DNAH7: variants seen among roughly 807,000 people sequenced by gnomAD.
The protein encoded by DNAH7 is axonemal beta dynein heavy chain 7.
A neutral mutation model predicts 444.6 loss-of-function variants in DNAH7; 397 were observed. That is an observed-to-expected ratio of 0.89 (90% CI 0.82 to 0.97). The LOEUF is 0.97. DNAH7 is among the 50% of genes least tolerant of loss of function. The pLI, the probability that DNAH7 is intolerant of heterozygous loss-of-function variation, is 0.00. For missense variants in DNAH7, 4,902 were observed against 4,800.8 expected (o/e 1.02, Z -0.62); for synonymous variants, 1,636 against 1,624.4 (o/e 1.01, Z -0.17).
chr2:195,974,536 A>C (rs962934031), intron 15 of DNAH7, among the ~76,000 whole-genome samples: 18 of 152,118 alleles, frequency 1.2e-4, no homozygotes, highest in African/African-American at 4.3e-4. Flanking sequence ...CAAATTCCTA[A>C]ATATTTCCAG....
At chr2:195,853,800 C>T (rs1699537020) in intron 45 of DNAH7, among the ~76,000 whole-genome samples, 1 of 152,068 alleles carries the variant, frequency 6.6e-6, no homozygotes, top group Non-Finnish European at 1.5e-5. Context: ...GTACAAGACA[C>T]TGAAAGTTAA....
At chr2:196,018,609 TAAAAC>T (rs1169588794) in intron 9 of DNAH7, among the ~76,000 whole-genome samples, 2 of 151,978 alleles carry the variant, frequency 1.3e-5, no homozygotes, top group Non-Finnish European at 2.9e-5. Flanking sequence ...TCGAAATAAT[TAAAAC>T]AAATAAAGCA....
At chr2:195,926,088 T>C (rs1688313736) in intron 22 of DNAH7, among the ~76,000 whole-genome samples, 1 of 152,170 alleles carries the variant, frequency 6.6e-6, no homozygotes, top group Non-Finnish European at 1.5e-5. Context: ...ACTGTTACTT[T>C]ATTTCCTGCT....
chr2:195,900,569 C>T lies in DNAH7; in HGVS notation c.4336-75G>A, dbSNP rs780438107. The T allele has an allele frequency of 4.5e-5, 61 of 1,347,030 alleles. No individual in the cohort carries two copies. In the Admixed American group the frequency reaches 8.3e-4, roughly 18 times the overall value. The allele number at this position is 1,347,030 out of a possible 1,614,324, so 83.4% of individuals were successfully genotyped here. ...TAGGCATGGAAAGATAAATACCACA[C>T]GCTCTCACTAATATGTGGAGGCTAA... is the stretch of plus-strand genomic sequence containing the variant. On this transcript the variant is annotated intron_variant, in intron 27 of 64. Transcript: ENST00000312428.
At chr2:195,956,779 C>G (rs1468077638) in intron 19 of DNAH7, among the ~76,000 whole-genome samples, 1 of 151,488 alleles carries the variant, frequency 6.6e-6, no homozygotes, top group Non-Finnish European at 1.5e-5. Context: ...ATTTTTCTTT[C>G]TTTATTGCAT....
intron 38 of DNAH7, among the ~76,000 whole-genome samples, chr2:195,874,806 G>A (rs1700948464): frequency 6.6e-6 from 1 of 152,046 alleles, no homozygotes; most frequent in Non-Finnish European, 1.5e-5. Context: ...AAGCAACAGA[G>A]TGAGACCCTG....
At chr2:195,957,118 C>A in intron 19 of DNAH7, 143 bp downstream of exon 19, 2 of 700,898 alleles carry the variant, frequency 2.9e-6, no homozygotes, top group Non-Finnish European at 4.2e-6. Flanking sequence ...TCCTGGCATT[C>A]TAAAATAATA....
chr2:195,950,676 A>C (rs1390591453), intron 19 of DNAH7, among the ~76,000 whole-genome samples: 1 of 151,716 alleles, frequency 6.6e-6, no homozygotes, highest in Non-Finnish European at 1.5e-5. Flanking sequence ...GTGAAACCCC[A>C]TCTCTACTAA....
rs77281575 is a variant in DNAH7, at chr2:195,974,406, C to T, written c.1834-1940G>A. ...CTGAATAAATTCACCAACTGTTTTG[C>T]CCTTGTGGTAATAATCTTTTTTAAA... On this transcript the variant is annotated intron_variant, in intron 15 of 64. Transcript: ENST00000312428. Among the ~76,000 whole-genome samples, 34 of 152,148 alleles carry T rather than the reference C, an allele frequency of 2.2e-4. No homozygotes were observed. In the East Asian group the frequency reaches 4.8e-3, roughly 22 times the overall value.
intron 24 of DNAH7, among the ~76,000 whole-genome samples, chr2:195,914,330 G>C (rs867126721): frequency 6.6e-6 from 1 of 152,184 alleles, no homozygotes; most frequent in Non-Finnish European, 1.5e-5. Context: ...ACAGTTACTT[G>C]CTAGATATAC....
intron 3 of DNAH7, among the ~76,000 whole-genome samples, chr2:196,048,821 C>G (rs938104038): frequency 1.3e-5 from 2 of 152,196 alleles, no homozygotes; most frequent in African/African-American, 4.8e-5. Flanking sequence ...CAAATGTATT[C>G]CATTGTTTCA....
chr2:196,023,459 G>A (rs1218206039), intron 8 of DNAH7, among the ~76,000 whole-genome samples: 2 of 152,154 alleles, frequency 1.3e-5, no homozygotes, highest in African/African-American at 2.4e-5. Flanking sequence ...CCCTTGCTCC[G>A]TTATGGAGAT....
At chr2:195,766,365 G>C (rs1270014390) in intron 61 of DNAH7, among the ~76,000 whole-genome samples, 1 of 151,344 alleles carries the variant, frequency 6.6e-6, no homozygotes, top group African/African-American at 2.4e-5. Context: ...GACGGGTTTC[G>C]CCCTGTTGGC....
intron 24 of DNAH7, among the ~76,000 whole-genome samples, chr2:195,920,177 C>T (rs1011801526): frequency 7.9e-5 from 12 of 152,062 alleles, no homozygotes; most frequent in African/African-American, 2.9e-4. Flanking sequence ...CATCAAAATG[C>T]CATGGTCATA....
intron 35 of DNAH7, among the ~76,000 whole-genome samples, chr2:195,883,645 A>G (rs1701549959): frequency 1.3e-5 from 2 of 152,084 alleles, no homozygotes; most frequent in Non-Finnish European, 2.9e-5. Flanking sequence ...AGCTTAATAA[A>G]CTGTAAACTA....
At chr2:196,028,392 A>G (rs1390265613) in intron 5 of DNAH7, among the ~76,000 whole-genome samples, 2 of 152,158 alleles carry the variant, frequency 1.3e-5, no homozygotes, top group Non-Finnish European at 2.9e-5. Flanking sequence ...ATGTATGGTT[A>G]TTTATAGATA....
At position 196,012,787 on chromosome 2, in the gene DNAH7, A is replaced by G. The variant is rs1374812007; in HGVS notation, c.989T>C (p.Met330Thr). 6.3e-7 allele frequency: 1 copy of G among 1,598,852 alleles called. No individual in the cohort carries two copies. Among genetic ancestry groups the G allele is most frequent in the Non-Finnish European group, 8.5e-7 (1 of 1,173,470 alleles). ...CCTACATGAAATTTCAAACCTTTAC[A>G]TTTTAAGTAGAGTCTCTTTGGCAGA... ...MDSAKETLLK[M>T]WFPEVQNIYY... Residue 330 changes from methionine (M) to threonine (T), a missense_variant and splice_region_variant, in exon 10 of 65, where the codon ATG (methionine) becomes ACG (threonine). Met to Thr is a moderately conservative substitution (Grantham distance 81). Coordinates refer to ENST00000312428, the MANE Select transcript of DNAH7 (RefSeq NM_018897.3).
At chr2:196,019,426 C>CAATT in intron 8 of DNAH7, 131 bp from the exon 9 acceptor site, 1 of 629,968 alleles carries the variant, frequency 1.6e-6, no homozygotes, top group Non-Finnish European at 2.3e-6. Context: ...ACAAAACAAG[C>CAATT]AATTATGTTT....
At chr2:195,793,792 C>T (rs1696006808) in intron 57 of DNAH7, among the ~76,000 whole-genome samples, 2 of 152,092 alleles carry the variant, frequency 1.3e-5, no homozygotes, top group Admixed American at 1.3e-4. Context: ...TTAATTATGG[C>T]AAAACGCTGT....
Sources: allele counts gnomAD v4.1 joint callset (sites outside exome capture counted in the v4.1 genomes callset), GRCh38; gene constraint gnomAD v4.1.1; transcripts MANE v1.5; gene names NCBI Gene and HGNC (gene_info 2026-07-23, HGNC 2026-07-21).